Variants in CPNE8 observed in about 807,000 individuals in gnomAD.
CPNE8 encodes the protein copine 8, also known as copine-8.
A neutral mutation model predicts 81.5 loss-of-function variants in CPNE8; 45 were observed. The observed-to-expected ratio is 0.55, with a 90% CI of 0.44 to 0.71. CPNE8 has a LOEUF of 0.71. Ranked by LOEUF, CPNE8 falls within the 30% of genes least tolerant of loss-of-function variation. The pLI is 0.00. For synonymous variants in CPNE8, 252 were observed against 226.3 expected, an observed-to-expected ratio of 1.11 and a Z score of -1.02; for missense variants, 594 against 672.1, an observed-to-expected ratio of 0.88 and a Z score of 1.28.
intron 7 of CPNE8, 103 bp downstream of exon 7, chr12:38,776,135 C>A: frequency 2.0e-6 from 1 of 488,888 alleles, no homozygotes; most frequent in Non-Finnish European, 3.6e-6. Flanking sequence ...AATTGTATAA[C>A]ACTTTTGCTA....
intron 7 of CPNE8, among the ~76,000 whole-genome samples, chr12:38,772,021 T>A (rs1265100135): frequency 6.6e-6 from 1 of 152,130 alleles, no homozygotes; most frequent in African/African-American, 2.4e-5. Flanking sequence ...GAATCCCTCA[T>A]AAATAGGTAG....
chr12:38,773,882 T>A (rs1377508131), intron 7 of CPNE8, among the ~76,000 whole-genome samples: 1 of 152,010 alleles, frequency 6.6e-6, no homozygotes, highest in Non-Finnish European at 1.5e-5. Context: ...ATGCTGATGA[T>A]CAATAAGGCT....
intron 7 of CPNE8, among the ~76,000 whole-genome samples, chr12:38,770,482 CA>C (rs1941779250): frequency 6.6e-6 from 1 of 152,144 alleles, no homozygotes; most frequent in Non-Finnish European, 1.5e-5. Context: ...TTGATGTATC[CA>C]ATCCATTCTC....
intron 6 of CPNE8, among the ~76,000 whole-genome samples, chr12:38,808,917 G>C (rs928517740): frequency 2.0e-5 from 3 of 152,000 alleles, no homozygotes; most frequent in South Asian, 2.1e-4. Context: ...AAGCACGCTA[G>C]TAAACAGGTA....
chr12:38,868,824 T>G (rs1943951539), intron 3 of CPNE8, among the ~76,000 whole-genome samples: 1 of 152,216 alleles, frequency 6.6e-6, no homozygotes, highest in Non-Finnish European at 1.5e-5. Flanking sequence ...TTGTTCAGTC[T>G]TTGCATTTTT....
intron 14 of CPNE8, among the ~76,000 whole-genome samples, chr12:38,699,325 C>T (rs1027900511): frequency 2.0e-5 from 3 of 152,168 alleles, no homozygotes; most frequent in African/African-American, 7.2e-5. Flanking sequence ...CTCTAATGTT[C>T]TTAGTTCACC....
chr12:38,721,837 G>C (rs557922241), intron 13 of CPNE8, among the ~76,000 whole-genome samples: 1 of 152,192 alleles, frequency 6.6e-6, no homozygotes, highest in Non-Finnish European at 1.5e-5. Context: ...CTTGTGGTGC[G>C]TCTGGTCCAG....
intron 6 of CPNE8, among the ~76,000 whole-genome samples, chr12:38,795,831 A>G (rs1298856235): frequency 1.3e-5 from 2 of 150,962 alleles, no homozygotes; most frequent in African/African-American, 4.9e-5. Context: ...TAAACTGTAC[A>G]CTTAAAATGG....
intron 10 of CPNE8, among the ~76,000 whole-genome samples, chr12:38,744,425 A>T (rs149501387): frequency 6.6e-6 from 1 of 152,192 alleles, no homozygotes; most frequent in African/African-American, 2.4e-5. Flanking sequence ...ATCGACCTCT[A>T]TTCCCCCAAC....
At chr12:38,812,694 G>A (rs148889569) in intron 6 of CPNE8, among the ~76,000 whole-genome samples, 2 of 152,266 alleles carry the variant, frequency 1.3e-5, no homozygotes, top group African/African-American at 2.4e-5. Context: ...AAGTCATGAG[G>A]GCTCCATCCC....
At chr12:38,673,486 AT>A (rs897222767) in intron 18 of CPNE8, among the ~76,000 whole-genome samples, 7 of 152,102 alleles carry the variant, frequency 4.6e-5, no homozygotes, top group East Asian at 1.9e-4. Flanking sequence ...TAATATAGAA[AT>A]TTTTTTTAAG....
chr12:38,725,599 C>T (rs928473626), intron 11 of CPNE8, among the ~76,000 whole-genome samples: 1 of 151,998 alleles, frequency 6.6e-6, no homozygotes, highest in Non-Finnish European at 1.5e-5. Context: ...AAGCCTTTGA[C>T]AGGAAAAAAA....
chr12:38,766,456 A>T (rs889584067), intron 8 of CPNE8, among the ~76,000 whole-genome samples: 1 of 152,154 alleles, frequency 6.6e-6, no homozygotes. Flanking sequence ...TGACACTGAC[A>T]TTTTTACCAT....
At chr12:38,736,703 C>A (rs558459085) in intron 10 of CPNE8, among the ~76,000 whole-genome samples, 95 of 152,076 alleles carry the variant, frequency 6.2e-4, no homozygotes, top group African/African-American at 2.3e-3. Context: ...AGAATATTGT[C>A]AAACAAAAGC....
intron 16 of CPNE8, among the ~76,000 whole-genome samples, chr12:38,684,314 A>G (rs1939481475): frequency 6.6e-6 from 1 of 152,154 alleles, no homozygotes; most frequent in Non-Finnish European, 1.5e-5. Context: ...TTAAGAAAAG[A>G]GAAATAGAGA....
At chr12:38,882,343 C>T (rs1487169390) in intron 1 of CPNE8, among the ~76,000 whole-genome samples, 1 of 152,142 alleles carries the variant, frequency 6.6e-6, no homozygotes, top group Non-Finnish European at 1.5e-5. Context: ...CAGCAACCAC[C>T]AGGAGCTGGA....
chr12:38,904,470 GTTT>G (rs11343890), intron 1 of CPNE8, among the ~76,000 whole-genome samples: 3 of 120,304 alleles, frequency 2.5e-5, no homozygotes, highest in Non-Finnish European at 1.7e-5. Context: ...GTTTTTTTTT[GTTT>G]TTTTTTTTTT....
At chr12:38,726,624 A>C (rs1358215370) in intron 11 of CPNE8, 5 of 152,216 alleles carry the variant, frequency 3.3e-5, no homozygotes, top group African/African-American at 7.2e-5. Context: ...TCAATGAATA[A>C]AATTAATTCA....
intron 7 of CPNE8, among the ~76,000 whole-genome samples, chr12:38,770,713 T>A (rs1008471174): frequency 2.0e-5 from 3 of 152,126 alleles, no homozygotes; most frequent in Non-Finnish European, 4.4e-5. Context: ...CCATCTCACA[T>A]CGGACCCACA....
Sources: allele counts gnomAD v4.1 joint callset (sites outside exome capture counted in the v4.1 genomes callset), GRCh38; gene constraint gnomAD v4.1.1; transcripts MANE v1.5; gene names NCBI Gene and HGNC (gene_info 2026-07-23, HGNC 2026-07-21).